The following THOC2 variants were observed in gnomAD, a reference collection of about 807,000 sequenced individuals.
THOC2 encodes the protein THO complex 2.
Under a neutral mutation model 128.4 loss-of-function variants are expected in THOC2, and 10 were observed. The ratio of observed to expected loss-of-function variants is 0.08; its 90% CI spans 0.05 to 0.13. The LOEUF (loss-of-function observed/expected upper bound fraction) is 0.13. Among genes scored for constraint, THOC2 ranks in the 10% least tolerant of loss-of-function variants. The probability of loss-of-function intolerance (pLI) is 1.00; values close to 1 mark genes in which losing one functional copy is unlikely to be tolerated. For missense variants in THOC2, 535 were observed against 1,155.7 expected (o/e 0.46, Z 7.79); for synonymous variants, 393 against 396.9 (o/e 0.99, Z 0.12).
chrX:123,720,872 A>G (rs1179553314), intron 1 of THOC2, among the ~76,000 whole-genome samples: 8 of 111,734 alleles, frequency 7.2e-5, no homozygotes, highest in African/African-American at 2.6e-4. Context: ...CAAACTCAGA[A>G]GCAAAAAGTA....
chrX:123,646,785 A>ATGGTT (rs983777100), intron 12 of THOC2, among the ~76,000 whole-genome samples: 35 of 111,811 alleles, frequency 3.1e-4, no homozygotes, highest in African/African-American at 1.1e-3. Flanking sequence ...AAAAAGCCAG[A>ATGGTT]TGGTTTGGTT....
chrX:123,646,300 TC>T (rs906345220), intron 12 of THOC2, among the ~76,000 whole-genome samples: 9 of 112,117 alleles, frequency 8.0e-5, no homozygotes, highest in Non-Finnish European at 1.7e-4. Flanking sequence ...GACAAGGATG[TC>T]TATTAATTCA....
chrX:123,685,682 C>T lies in THOC2; in HGVS notation c.768+866G>A, dbSNP rs1372682066. On this transcript the variant is annotated intron_variant, in intron 8 of 38. Coordinates refer to ENST00000245838, the MANE Select transcript of THOC2 (RefSeq NM_001081550.2). ...CTGCCACATTTAGAAGTTTGAATTT[C>T]ATCCTAGAAGTAAAGGTTTTTGACC... Among the ~76,000 whole-genome samples the T allele has an allele frequency of 4.5e-5, 5 of 111,818 alleles. No homozygotes were observed. The East Asian group carries it at 1.4e-3, about 31-fold the overall frequency.
chrX:123,681,375 G>C (rs1405525733), intron 8 of THOC2, among the ~76,000 whole-genome samples: 5 of 109,885 alleles, frequency 4.6e-5, no homozygotes, highest in African/African-American at 1.3e-4. Context: ...GAAAGGTGGT[G>C]GGGGGGTGGG....
chrX:123,685,158 G>A (rs1164561702), intron 8 of THOC2, among the ~76,000 whole-genome samples: 2 of 112,347 alleles, frequency 1.8e-5, no homozygotes, highest in Non-Finnish European at 3.8e-5. Flanking sequence ...TTTACTATAG[G>A]CTAGGCAATA....
At chrX:123,644,933 T>A in intron 13 of THOC2, 24 bp from the exon 14 acceptor site, 1 of 1,160,139 alleles carries the variant, frequency 8.6e-7, no homozygotes, top group Non-Finnish European at 1.2e-6. Context: ...GGAAAAGTTA[T>A]TTCAGTAAGA....
chrX:123,637,000 A>G (rs2047699465), intron 18 of THOC2, among the ~76,000 whole-genome samples: 2 of 112,098 alleles, frequency 1.8e-5, no homozygotes, highest in Admixed American at 1.9e-4. Flanking sequence ...AGCTTTCCAG[A>G]GGAAGTGACC....
intron 22 of THOC2, among the ~76,000 whole-genome samples, chrX:123,629,555 T>G (rs2047397598): frequency 9.0e-6 from 1 of 111,678 alleles, no homozygotes; most frequent in Non-Finnish European, 1.9e-5. Context: ...TGCTCAATTT[T>G]ACAATTGTTC....
At chrX:123,680,823 T>C (rs1163800074) in intron 8 of THOC2, among the ~76,000 whole-genome samples, 1 of 111,922 alleles carries the variant, frequency 8.9e-6, no homozygotes, top group Admixed American at 9.5e-5. Flanking sequence ...TTAACTCTAC[T>C]TTCTCACATC....
At chrX:123,662,382 C>A (rs773433675) in intron 12 of THOC2, among the ~76,000 whole-genome samples, 15 of 109,603 alleles carry the variant, frequency 1.4e-4, no homozygotes, top group African/African-American at 4.6e-4. Context: ...GTCAGGAGAT[C>A]GAGACCATCC....
intron 30 of THOC2, among the ~76,000 whole-genome samples, chrX:123,622,034 G>T (rs1219415232): frequency 8.9e-6 from 1 of 111,939 alleles, no homozygotes; most frequent in African/African-American, 3.3e-5. Flanking sequence ...GACAGAGCAA[G>T]ACTCCTTCTC....
At chrX:123,715,019 C>CTTTTT (rs368332983) in intron 1 of THOC2, among the ~76,000 whole-genome samples, 1 of 83,552 alleles carries the variant, frequency 1.2e-5, no homozygotes, top group African/African-American at 4.6e-5. Context: ...GCAATAAAGG[C>CTTTTT]TTTTTTTTTT....
At chrX:123,676,684 G>A (rs761563450) in intron 8 of THOC2, among the ~76,000 whole-genome samples, 28 of 111,227 alleles carry the variant, frequency 2.5e-4, no homozygotes, top group Non-Finnish European at 4.7e-4. Flanking sequence ...CCTTCATTTT[G>A]CAACAATATT....
chrX:123,659,791 T>C (rs1393914132), intron 12 of THOC2, among the ~76,000 whole-genome samples: 1 of 112,384 alleles, frequency 8.9e-6, no homozygotes, highest in Non-Finnish European at 1.9e-5. Context: ...TTTAAAAATA[T>C]ACATAATTTG....
intron 8 of THOC2, among the ~76,000 whole-genome samples, chrX:123,679,566 T>C (rs2147848111): frequency 8.9e-6 from 1 of 111,825 alleles, no homozygotes; most frequent in African/African-American, 3.3e-5. Flanking sequence ...TCTACATGCT[T>C]TTGATGCCCA....
chrX:123,619,551 A>C (rs1240696252), intron 32 of THOC2, 115 bp from the exon 33 acceptor site: 9 of 799,922 alleles, frequency 1.1e-5, no homozygotes, highest in Non-Finnish European at 1.6e-5. Flanking sequence ...TGTGAGGATA[A>C]ATTTCATGAT....
At chrX:123,685,122 G>A (rs888048921) in intron 8 of THOC2, among the ~76,000 whole-genome samples, 3 of 112,290 alleles carry the variant, frequency 2.7e-5, no homozygotes, top group Admixed American at 9.4e-5. Flanking sequence ...CTAAAACATA[G>A]ATCACTCGTT....
intron 12 of THOC2, among the ~76,000 whole-genome samples, chrX:123,657,960 CGTGTGTGTGTGTGTGTGTGTGTGTGTGT>C (rs60969537): frequency 4.5e-4 from 43 of 94,802 alleles, no homozygotes; most frequent in Non-Finnish European, 7.2e-4. Flanking sequence ...TACGCATATG[CGTGTGTGTGTGTGTGTGTGTGTGTGTGT>C]GTGTGTGTGT....
At chrX:123,624,731 T>C in intron 25 of THOC2, 62 bp from the exon 26 acceptor site, 1 of 1,058,328 alleles carries the variant, frequency 9.4e-7, no homozygotes, top group East Asian at 3.1e-5. Flanking sequence ...TTAAAAATAT[T>C]AGAAGATTCT....
Sources: allele counts gnomAD v4.1 joint callset (sites outside exome capture counted in the v4.1 genomes callset), GRCh38; gene constraint gnomAD v4.1.1; transcripts MANE v1.5; gene names NCBI Gene and HGNC (gene_info 2026-07-23, HGNC 2026-07-21).